Variants in PLGRKT observed in about 807,000 individuals in gnomAD.
PLGRKT encodes plasminogen receptor (KT).
A neutral mutation model predicts 18.5 loss-of-function variants in PLGRKT; 22 were observed. That is an observed-to-expected ratio of 1.19 (90% CI 0.85 to 1.70). PLGRKT has a LOEUF of 1.70. Among genes scored for constraint, PLGRKT ranks in the 40% most tolerant of loss-of-function variants. PLGRKT has a pLI of 0.00. For synonymous variants in PLGRKT, 72 were observed against 52.8 expected, an observed-to-expected ratio of 1.36 and a Z score of -1.58; for missense variants, 235 against 174.4, an observed-to-expected ratio of 1.35 and a Z score of -1.96.
chr9:5,428,570 G>A (rs978180700), intron 3 of PLGRKT, among the ~76,000 whole-genome samples: 5 of 152,208 alleles, frequency 3.3e-5, no homozygotes, highest in Admixed American at 2.0e-4. Flanking sequence ...ATTCTGGGAC[G>A]AGGAGCCAAA....
intron 3 of PLGRKT, among the ~76,000 whole-genome samples, chr9:5,389,597 C>T (rs751884523): frequency 6.6e-6 from 1 of 151,850 alleles, no homozygotes; most frequent in African/African-American, 2.4e-5. Context: ...AGAGGAGTAA[C>T]TGATCTAGGA....
chr9:5,427,343 GCTGGCAATTTGGATATA>G (rs1181797064), intron 3 of PLGRKT, among the ~76,000 whole-genome samples: 1 of 152,074 alleles, frequency 6.6e-6, no homozygotes, highest in Non-Finnish European at 1.5e-5. Context: ...GAGTAGTGAT[GCTGGCAATTTGGATATA>G]CCAAAGAGAA....
At chr9:5,435,336 A>AAAG (rs1284818124) in intron 2 of PLGRKT, among the ~76,000 whole-genome samples, 4,303 of 150,240 alleles carry the variant, frequency 0.029, 214 homozygotes, top group African/African-American at 0.099. Flanking sequence ...AAAAAAAAAA[A>AAAG]AAGAAGAAGA....
At chr9:5,396,341 A>T (rs1481631733) in intron 3 of PLGRKT, among the ~76,000 whole-genome samples, 1 of 151,436 alleles carries the variant, frequency 6.6e-6, no homozygotes, top group Non-Finnish European at 1.5e-5. Context: ...GCTGGAGTAC[A>T]ATGGTGTGAT....
chr9:5,372,767 G>A (rs1012554829), intron 3 of PLGRKT, among the ~76,000 whole-genome samples: 4 of 152,170 alleles, frequency 2.6e-5, no homozygotes, highest in African/African-American at 7.2e-5. Flanking sequence ...ACCCAGGTGC[G>A]AGGGAGTCTG....
chr9:5,393,489 T>C (rs940270107), intron 3 of PLGRKT, among the ~76,000 whole-genome samples: 1 of 151,882 alleles, frequency 6.6e-6, no homozygotes, highest in African/African-American at 2.4e-5. Context: ...ACTATACCTT[T>C]CAAAGAGGTT....
chr9:5,430,281 A>C (rs529265427), intron 3 of PLGRKT, among the ~76,000 whole-genome samples: 2 of 152,232 alleles, frequency 1.3e-5, no homozygotes, highest in African/African-American at 4.8e-5. Flanking sequence ...GGGGACCAAC[A>C]TAAGAGTAAA....
chr9:5,377,888 C>T (rs1246018160), intron 3 of PLGRKT, among the ~76,000 whole-genome samples: 5 of 152,100 alleles, frequency 3.3e-5, no homozygotes, highest in South Asian at 2.1e-4. Context: ...TTCTGCACTT[C>T]GACAGCAGAC....
intron 3 of PLGRKT, among the ~76,000 whole-genome samples, chr9:5,376,171 G>A (rs866854645): frequency 2.6e-5 from 4 of 152,136 alleles, no homozygotes; most frequent in African/African-American, 7.2e-5. Flanking sequence ...AAAGGAGAAT[G>A]GTGGTTGCCA....
chr9:5,387,885 G>T lies in PLGRKT; in HGVS notation c.82-25997C>A, dbSNP rs146918842. Among the ~76,000 whole-genome samples the T allele has an allele frequency of 1.5e-3, 230 of 151,946 alleles. 4 individuals carry two copies. The highest frequency in any genetic ancestry group is 0.01 in the Middle Eastern group (3 of 294). The stretch of plus-strand genomic sequence containing the variant: ...TAGCACTAATCCAGGCAACAAACAG[G>T]GGTCTGGGGTAGAGTGACACCAGTG... On this transcript the variant is annotated intron_variant, in intron 3 of 5. Coordinates refer to ENST00000223864, the MANE Select transcript of PLGRKT (RefSeq NM_018465.4).
Position 5,418,644 on chromosome 9 carries a change from C to T in PLGRKT, c.81+13253G>A, listed in dbSNP as rs1818511551. 1.4e-6 allele frequency: 1 copy of T among 693,632 alleles called. No individual in the cohort carries two copies. Among genetic ancestry groups the T allele is most frequent in the Admixed American group, 1.9e-5 (1 of 51,556 alleles). The allele number at this position is 693,632 out of a possible 1,614,324, so 43.0% of individuals were successfully genotyped here. A position where few individuals can be genotyped will look rare whatever the true frequency, so the allele number is the denominator to read the frequency against. ...GGTGGCGGCTCATATCTCCGGGCAG[C>T]AGCGCGTGCTCCTTGGAGATGGGCA... On this transcript the variant is annotated intron_variant, in intron 3 of 5. Coordinates refer to ENST00000223864, the MANE Select transcript of PLGRKT (RefSeq NM_018465.4). The surrounding 1 kb of genome is among the most constrained non-coding windows in gnomAD (Gnocchi z 4.2).
chr9:5,418,580 T>A lies in PLGRKT; in HGVS notation c.81+13317A>T. ...AGAGGCTGCTGTCCAGCAGGGATGG[T>A]CACCACAGTGACGGACTTCTGCCGG... On this transcript the variant is annotated intron_variant, in intron 3 of 5. Coordinates refer to ENST00000223864, the MANE Select transcript of PLGRKT (RefSeq NM_018465.4). The surrounding 1 kb of genome is among the most constrained non-coding windows in gnomAD (Gnocchi z 4.2). 2.6e-6 allele frequency: 2 copies of A among 766,708 alleles called. No homozygotes were observed. The highest frequency in any genetic ancestry group is 4.8e-6 in the Non-Finnish European group (2 of 419,898). The allele number at this position is 766,708 out of a possible 1,614,324, so 47.5% of individuals were successfully genotyped here.
At chr9:5,378,782 T>A (rs920416469) in intron 3 of PLGRKT, among the ~76,000 whole-genome samples, 1 of 152,100 alleles carries the variant, frequency 6.6e-6, no homozygotes, top group African/African-American at 2.4e-5. Flanking sequence ...TAAATAATAA[T>A]GGTAGGATTT....
At chr9:5,410,348 C>A (rs1818337932) in intron 3 of PLGRKT, among the ~76,000 whole-genome samples, 1 of 151,970 alleles carries the variant, frequency 6.6e-6, no homozygotes, top group Non-Finnish European at 1.5e-5. Flanking sequence ...CCAGCCTAGG[C>A]AACATGGTGA....
intron 3 of PLGRKT, among the ~76,000 whole-genome samples, chr9:5,412,083 T>C (rs1265729836): frequency 2.0e-5 from 3 of 152,174 alleles, no homozygotes; most frequent in African/African-American, 4.8e-5. Context: ...AATTAAAACA[T>C]TACAATACTA....
chr9:5,387,668 G>A (rs567003691), intron 3 of PLGRKT, among the ~76,000 whole-genome samples: 1,665 of 151,214 alleles, frequency 0.011, 9 homozygotes, highest in Non-Finnish European at 0.017. Context: ...GAAGCCTCCT[G>A]CGGGGGGGCT....
intron 3 of PLGRKT, among the ~76,000 whole-genome samples, chr9:5,380,275 G>T (rs1050258802): frequency 1.1e-4 from 17 of 150,902 alleles, no homozygotes; most frequent in Non-Finnish European, 2.1e-4. Flanking sequence ...TGAGGCAGCA[G>T]AATGGTGTGA....
intron 3 of PLGRKT, among the ~76,000 whole-genome samples, chr9:5,426,550 G>C (rs1818705406): frequency 6.6e-6 from 1 of 152,128 alleles, no homozygotes; most frequent in South Asian, 2.1e-4. Context: ...ATATTCCCCT[G>C]TTCATCCTTT....
At chr9:5,429,874 C>T (rs929380828) in intron 3 of PLGRKT, among the ~76,000 whole-genome samples, 2 of 152,152 alleles carry the variant, frequency 1.3e-5, no homozygotes, top group African/African-American at 4.8e-5. Flanking sequence ...CCCATGGAGG[C>T]TTGTAACTCC....
Sources: gnomAD v4.1 joint callset for allele counts (sites outside exome capture counted in the v4.1 genomes callset) on GRCh38, gnomAD v4.1.1 for gene constraint, Gnocchi (gnomAD v3.1) non-coding constraint, MANE v1.5 for transcripts, NCBI Gene and HGNC (gene_info 2026-07-23, HGNC 2026-07-21) for gene names.